The following CACNA1I variants were observed in gnomAD, a reference collection of about 807,000 sequenced individuals.
CACNA1I encodes the protein calcium voltage-gated channel subunit alpha1 I.
Under a neutral mutation model 201.6 loss-of-function variants are expected in CACNA1I, and 74 were observed. That is an observed-to-expected ratio of 0.37 (90% confidence interval 0.30 to 0.45). The LOEUF (loss-of-function observed/expected upper bound fraction) is 0.45. Among genes scored for constraint, CACNA1I ranks in the 20% least tolerant of loss-of-function variants. The probability of loss-of-function intolerance (pLI) is 1.00; values close to 1 mark genes in which losing one functional copy is unlikely to be tolerated. For missense variants in CACNA1I, 2,346 were observed against 3,138.1 expected, an observed-to-expected ratio of 0.75 and a Z score of 6.03; for synonymous variants, 1,431 against 1,345.2, an observed-to-expected ratio of 1.06 and a Z score of -1.40.
chr22:39,656,376 C>G (rs1378982630), intron 10 of CACNA1I: 4 of 518,554 alleles, frequency 7.7e-6, no homozygotes, highest in African/African-American at 1.9e-5. Context: ...CTTCTCTGCT[C>G]CCTGGCGCCA....
At chr22:39,585,386 C>CTTTCTTTTTTTTTTT (rs1485526954) in intron 1 of CACNA1I, among the ~76,000 whole-genome samples, 1 of 90,452 alleles carries the variant, frequency 1.1e-5, no homozygotes, top group Non-Finnish European at 2.2e-5. Context: ...TTCTTTCTTT[C>CTTTCTTTTTTTTTTT]TTTTTTTTTT....
In CACNA1I at chr22:39,677,979, G is replaced by A. The variant is rs774789496; in HGVS notation, c.4934-8G>A. 1.0e-5 allele frequency: 16 copies of A among 1,581,808 alleles called. No individual in the cohort carries two copies. Among genetic ancestry groups the A allele is most frequent in the Middle Eastern group, 1.7e-4 (1 of 5,916 alleles). ...ATCGGGCAGGGCTGACCTCCTCCCC[G>A]CTTCCAGTCTGCAACGACGAGAACC... On this transcript the variant is annotated splice_region_variant and splice_polypyrimidine_tract_variant and intron_variant, in intron 30 of 36. Coordinates refer to ENST00000402142, the MANE Select transcript of CACNA1I (RefSeq NM_021096.4). The surrounding 1 kb of genome is among the most constrained non-coding windows in gnomAD (Gnocchi z 4.8).
intron 3 of CACNA1I, among the ~76,000 whole-genome samples, chr22:39,605,422 T>C (rs1933192621): frequency 6.6e-6 from 1 of 152,198 alleles, no homozygotes; most frequent in Admixed American, 6.5e-5. Context: ...AAGCTCTTTC[T>C]TTCACGGAGC....
Position 39,682,475 on chromosome 22 carries a change from C to T in CACNA1I, c.5665-21C>T, listed in dbSNP as rs774877245. On this transcript the variant is annotated intron_variant, in intron 34 of 36. Transcript: ENST00000402142. Reference sequence around the variant, plus strand: ...GTCCCCCTTCCCAGTCCTGCCCCATCCTACCTCCCTTTCCTTGCAGGGTGA... The same window carrying T: ...GTCCCCCTTCCCAGTCCTGCCCCATTCTACCTCCCTTTCCTTGCAGGGTGA... The T allele has an allele frequency of 5.0e-6, 8 of 1,610,606 alleles. No homozygotes were observed. The East Asian group carries it at 1.1e-4, about 22-fold the overall frequency.
chr22:39,626,772 T>C (rs183345509), intron 4 of CACNA1I, among the ~76,000 whole-genome samples: 107 of 152,246 alleles, frequency 7.0e-4, no homozygotes, highest in African/African-American at 2.5e-3. Flanking sequence ...AATTTTTGTA[T>C]TTTTAGTAGA....
At chr22:39,664,188 G>A in intron 20 of CACNA1I, 29 bp downstream of exon 20, 1 of 1,588,200 alleles carries the variant, frequency 6.3e-7, no homozygotes, top group Non-Finnish European at 8.6e-7. Flanking sequence ...CGGGACCCCT[G>A]CTAGCCCCAG....
rs765995035 is a variant in CACNA1I at position 39,647,850 on chromosome 22, A to G, written c.1491A>G (p.Glu497=). The G allele has an allele frequency of 5.6e-6, 9 of 1,610,978 alleles. No homozygotes were observed. The highest frequency in any genetic ancestry group is 6.8e-6 in the Non-Finnish European group (8 of 1,177,328). The change falls in exon 9 of 37, where the codon GAA becomes GAG. Residue 497 remains glutamate (E), a synonymous_variant. Transcript: ENST00000402142. The part of the protein sequence containing the change: ...YHGKTKGQGD[E]GRHLGSRHCQ... ...GGAAGACTAAGGGTCAGGGAGATGA[A>G]GGGAGACATCTCGGAAGCCGGCATT... is the stretch of plus-strand genomic sequence containing the variant.
intron 4 of CACNA1I, among the ~76,000 whole-genome samples, chr22:39,632,705 GTGAA>G (rs966718981): frequency 1.3e-5 from 2 of 152,220 alleles, no homozygotes; most frequent in Non-Finnish European, 2.9e-5. Flanking sequence ...GAATGAGTGA[GTGAA>G]TGAATGAATG....
chr22:39,659,644 G>A lies in CACNA1I; in HGVS notation c.2449-53G>A. 1 of 1,608,164 alleles carries A rather than the reference G, an allele frequency of 6.2e-7. No homozygotes were observed. Among genetic ancestry groups the A allele is most frequent in the South Asian group, 1.1e-5 (1 of 90,978 alleles). Reference sequence around the variant, plus strand: ...CTGACAACTCCCATGCCTCCTTGTAGAGCCTAGCCCTGGACTAGGGGTACC... The same window carrying A: ...CTGACAACTCCCATGCCTCCTTGTAAAGCCTAGCCCTGGACTAGGGGTACC... On this transcript the variant is annotated intron_variant, in intron 13 of 36. Coordinates refer to ENST00000402142, the MANE Select transcript of CACNA1I (RefSeq NM_021096.4). This position sits in a 1 kb window ranked among gnomAD's most constrained non-coding sequence, Gnocchi z 4.3.
rs1176752645 is a variant in CACNA1I at position 39,649,349 on chromosome 22, C to A, written c.1568-152C>A. 6.6e-6 allele frequency among the ~76,000 whole-genome samples: 1 copy of A among 152,252 alleles called. No homozygotes were observed. Among genetic ancestry groups the A allele is most frequent in the African/African-American group, 2.4e-5 (1 of 41,464 alleles). ...AAAGCTCAGAGAGCTGCAGCCGCTTCCCCAGGCACCCCTGACCGCCTTTCC... is the reference window on the plus strand; with the variant it reads ...AAAGCTCAGAGAGCTGCAGCCGCTTACCCAGGCACCCCTGACCGCCTTTCC... On this transcript the variant is annotated intron_variant, in intron 9 of 36. Coordinates refer to ENST00000402142, the MANE Select transcript of CACNA1I (RefSeq NM_021096.4). The surrounding 1 kb of genome is among the most constrained non-coding windows in gnomAD (Gnocchi z 7.3).
At position 39,677,046 on chromosome 22, in the gene CACNA1I, T is replaced by C. The variant is rs1028708098; in HGVS notation, c.4855-295T>C. Among the ~76,000 whole-genome samples, 12 of 152,164 alleles carry C rather than the reference T, an allele frequency of 7.9e-5. No individual in the cohort carries two copies. Among genetic ancestry groups the C allele is most frequent in the African/African-American group, 2.9e-4 (12 of 41,422 alleles). Reference sequence around the variant, plus strand: ...TCTGAAGAATGGGGATAAAAGATAGTTCGTGGATTATTGTGAGGAGGAAGT... The same window carrying C: ...TCTGAAGAATGGGGATAAAAGATAGCTCGTGGATTATTGTGAGGAGGAAGT... On this transcript the variant is annotated intron_variant, in intron 29 of 36. Transcript: ENST00000402142. This position sits in a 1 kb window ranked among gnomAD's most constrained non-coding sequence, Gnocchi z 4.8.
intron 29 of CACNA1I, among the ~76,000 whole-genome samples, chr22:39,675,640 C>A (rs559079285): frequency 6.6e-6 from 1 of 152,188 alleles, no homozygotes; most frequent in Non-Finnish European, 1.5e-5. Flanking sequence ...CTCGATTCTA[C>A]GTAAAGTGCT....
At chr22:39,619,952 C>T (rs867768401) in intron 4 of CACNA1I, among the ~76,000 whole-genome samples, 9 of 150,450 alleles carry the variant, frequency 6.0e-5, no homozygotes, top group African/African-American at 2.4e-5. Context: ...TCCATCCATC[C>T]GTCCGTCCGT....
Position 39,670,050 on chromosome 22 carries a change from C to T in CACNA1I, c.4207C>T (p.His1403Tyr). 1 of 1,612,372 alleles carries T rather than the reference C, an allele frequency of 6.2e-7. No homozygotes were observed. Among genetic ancestry groups the T allele is most frequent in the Non-Finnish European group, 8.5e-7 (1 of 1,179,858 alleles). ...VAVDQQPVTN[H>Y]NPWMLLYFIS... ...GACTCCCCTGCAGCCTGTGACCAAC[C>T]ACAACCCCTGGATGCTGCTGTACTT... The change falls in exon 25 of 37, where the codon CAC becomes TAC. Residue 1403 changes from histidine to tyrosine, a missense_variant. By Grantham distance (83) the His-to-Tyr change is moderately conservative. Around this residue, in one of 13 missense-constraint regions of CACNA1I, gnomAD observed 228 missense variants for 395.7 expected, o/e 0.58. Transcript: ENST00000402142.
chr22:39,647,734 G>A (rs1934531596), intron 8 of CACNA1I, 88 bp from the exon 9 acceptor site: 1 of 941,842 alleles, frequency 1.1e-6, no homozygotes. Flanking sequence ...TTTTAGGCTT[G>A]GAAGGGGCTG....
At chr22:39,592,043 G>C (rs910475883) in intron 1 of CACNA1I, among the ~76,000 whole-genome samples, 17 of 152,228 alleles carry the variant, frequency 1.1e-4, no homozygotes, top group Non-Finnish European at 2.1e-4. Context: ...GACTTTGAGA[G>C]GTGTGGTGCG....
At chr22:39,617,848 C>T (rs1933592334) in intron 3 of CACNA1I, among the ~76,000 whole-genome samples, 1 of 144,900 alleles carries the variant, frequency 6.9e-6, no homozygotes, top group African/African-American at 2.6e-5. Flanking sequence ...CCTCCTCCCT[C>T]CCTGCTCTCT....
intron 34 of CACNA1I, 60 bp from the exon 35 acceptor site, chr22:39,682,436 A>ACCCTTCATGAGC: frequency 7.0e-7 from 1 of 1,426,216 alleles, no homozygotes; most frequent in Non-Finnish European, 9.8e-7. Flanking sequence ...GTCATGAGGT[A>ACCCTTCATGAGC]CCCTTCATGA....
chr22:39,574,436 C>T (rs1932279897), intron 1 of CACNA1I, among the ~76,000 whole-genome samples: 1 of 152,044 alleles, frequency 6.6e-6, no homozygotes, highest in Middle Eastern at 3.4e-3. Context: ...AGCAGAGACT[C>T]AGTCGTGGGG....
Sources: allele counts gnomAD v4.1 joint callset (sites outside exome capture counted in the v4.1 genomes callset), GRCh38; gene constraint gnomAD v4.1.1; regional missense constraint gnomAD v4.1.1; non-coding constraint Gnocchi (gnomAD v3.1); transcripts MANE v1.5; gene names NCBI Gene and HGNC (gene_info 2026-07-23, HGNC 2026-07-21).